LRRC7: variants seen among roughly 807,000 people sequenced by gnomAD.
LRRC7 encodes leucine rich repeat containing 7.
A neutral mutation model predicts 175.7 loss-of-function variants in LRRC7; 23 were observed. The ratio of observed to expected loss-of-function variants is 0.13; its 90% confidence interval spans 0.09 to 0.19. The LOEUF is 0.19. Ranked by LOEUF, LRRC7 falls within the 10% of genes least tolerant of loss-of-function variation. The probability of loss-of-function intolerance (pLI) is 1.00; values close to 1 mark genes in which losing one functional copy is unlikely to be tolerated. For missense variants in LRRC7, 1,354 were observed against 1,904.7 expected, an observed-to-expected ratio of 0.71 and a Z score of 5.38; for synonymous variants, 685 against 680.9, an observed-to-expected ratio of 1.01 and a Z score of -0.09.
At chr1:69,633,672 G>A (rs1321058690) in intron 1 of LRRC7, among the ~76,000 whole-genome samples, 1 of 151,924 alleles carries the variant, frequency 6.6e-6, no homozygotes, top group Non-Finnish European at 1.5e-5. Context: ...CAAGTGATTT[G>A]CCCACCTCTG....
At chr1:69,781,505 A>G (rs1673481205) in intron 3 of LRRC7, among the ~76,000 whole-genome samples, 1 of 151,284 alleles carries the variant, frequency 6.6e-6, no homozygotes, top group Non-Finnish European at 1.5e-5. Context: ...ATCATGGTGA[A>G]GTCCCGTCTG....
intron 1 of LRRC7, among the ~76,000 whole-genome samples, chr1:69,628,848 A>C (rs1450272613): frequency 6.6e-6 from 1 of 152,172 alleles, no homozygotes; most frequent in Admixed American, 6.5e-5. Context: ...TTGACAATGA[A>C]TCACAAACAG....
intron 7 of LRRC7, among the ~76,000 whole-genome samples, chr1:69,885,368 T>C (rs904264708): frequency 6.8e-5 from 10 of 146,968 alleles, no homozygotes; most frequent in Non-Finnish European, 1.5e-4. Flanking sequence ...TCGAGGAATT[T>C]ATCCATTTCT....
chr1:69,971,144 T>C (rs747686572), intron 8 of LRRC7, among the ~76,000 whole-genome samples: 8 of 152,248 alleles, frequency 5.3e-5, no homozygotes, highest in Non-Finnish European at 1.0e-4. Context: ...ATAAAAACCA[T>C]CTATAACAAA....
At chr1:70,014,221 G>A (rs897520963) in intron 13 of LRRC7, 2 of 151,850 alleles carry the variant, frequency 1.3e-5, no homozygotes, top group African/African-American at 4.8e-5. Flanking sequence ...TAATTATATT[G>A]TTATAAATAA....
intron 5 of LRRC7, among the ~76,000 whole-genome samples, chr1:69,829,820 ATCT>A (rs1198197233): frequency 6.6e-6 from 1 of 151,820 alleles, no homozygotes; most frequent in Non-Finnish European, 1.5e-5. Flanking sequence ...TATGATTGTC[ATCT>A]TCATCAAGTG....
At chr1:69,852,122 T>C (rs1683056132) in intron 7 of LRRC7, among the ~76,000 whole-genome samples, 1 of 152,100 alleles carries the variant, frequency 6.6e-6, no homozygotes, top group Non-Finnish European at 1.5e-5. Context: ...AAACAATTAT[T>C]CTTTTCTCTT....
intron 2 of LRRC7, among the ~76,000 whole-genome samples, chr1:69,686,877 A>AT (rs1373218017): frequency 6.6e-6 from 1 of 152,128 alleles, no homozygotes; most frequent in Non-Finnish European, 1.5e-5. Flanking sequence ...AGATGCAAAA[A>AT]TAAAAAAAAG....
chr1:69,712,291 A>G (rs552323230), intron 2 of LRRC7, among the ~76,000 whole-genome samples: 30 of 151,890 alleles, frequency 2.0e-4, no homozygotes, highest in South Asian at 1.7e-3. Context: ...TTAAAATTTA[A>G]TTTTCTAAAG....
At chr1:69,621,325 A>C (rs2764533) in intron 1 of LRRC7, among the ~76,000 whole-genome samples, 19,496 of 152,094 alleles carry the variant, frequency 0.13, 1,576 homozygotes, top group South Asian at 0.19. Flanking sequence ...GGGTAATAGG[A>C]GTGAGCCACC....
At chr1:69,935,341 T>C (rs1398686697) in intron 8 of LRRC7, among the ~76,000 whole-genome samples, 1 of 152,182 alleles carries the variant, frequency 6.6e-6, no homozygotes. Flanking sequence ...AATTTTGCTA[T>C]AAGTATGGCA....
At chr1:69,756,919 G>A (rs896758074) in intron 2 of LRRC7, among the ~76,000 whole-genome samples, 1 of 151,972 alleles carries the variant, frequency 6.6e-6, no homozygotes, top group Non-Finnish European at 1.5e-5. Flanking sequence ...TTACTCCAGA[G>A]TGGAGGTTAA....
chr1:70,078,839 C>T (rs1048097756), intron 24 of LRRC7, among the ~76,000 whole-genome samples: 1 of 151,862 alleles, frequency 6.6e-6, no homozygotes, highest in African/African-American at 2.4e-5. Flanking sequence ...CACACACACA[C>T]ACACACACAC....
At chr1:69,710,264 G>A (rs1275634963) in intron 2 of LRRC7, among the ~76,000 whole-genome samples, 3 of 106,950 alleles carry the variant, frequency 2.8e-5, no homozygotes, top group Admixed American at 2.8e-4. Flanking sequence ...GGGCGACATA[G>A]CAAGACTCCG....
At chr1:69,916,085 ATT>A (rs1245837500) in intron 7 of LRRC7, among the ~76,000 whole-genome samples, 57 of 104,686 alleles carry the variant, frequency 5.4e-4, no homozygotes, top group African/African-American at 1.9e-3. Context: ...TAATATATAT[ATT>A]ATATACATAT....
chr1:69,761,585 A>G (rs1671038607), intron 3 of LRRC7, among the ~76,000 whole-genome samples: 1 of 152,010 alleles, frequency 6.6e-6, no homozygotes, highest in South Asian at 2.1e-4. Context: ...AGATGACACT[A>G]TACACAGGTA....
intron 8 of LRRC7, among the ~76,000 whole-genome samples, chr1:69,974,192 T>C (rs193044315): frequency 3.3e-5 from 5 of 152,350 alleles, no homozygotes; most frequent in Admixed American, 6.5e-5. Flanking sequence ...CATAAAAATA[T>C]AGATAATTCA....
At chr1:69,910,804 A>C (rs1296662891) in intron 7 of LRRC7, among the ~76,000 whole-genome samples, 1 of 152,342 alleles carries the variant, frequency 6.6e-6, no homozygotes, top group East Asian at 1.9e-4. Flanking sequence ...CCAGAGGTGG[A>C]GCCTACAGAG....
intron 23 of LRRC7, among the ~76,000 whole-genome samples, chr1:70,071,549 G>A (rs932682483): frequency 3.9e-5 from 6 of 151,994 alleles, no homozygotes; most frequent in Non-Finnish European, 8.8e-5. Flanking sequence ...CTGGGTTTTT[G>A]TTGTTATTGT....
Sources: allele counts gnomAD v4.1 joint callset (sites outside exome capture counted in the v4.1 genomes callset), GRCh38; gene constraint gnomAD v4.1.1; transcripts MANE v1.5; gene names NCBI Gene and HGNC (gene_info 2026-07-23, HGNC 2026-07-21).